The following PTPRO variants were observed in gnomAD, a reference collection of about 807,000 sequenced individuals.
The protein encoded by PTPRO is receptor-type tyrosine-protein phosphatase O.
A neutral mutation model predicts 145.2 loss-of-function variants in PTPRO; 62 were observed. That is an observed-to-expected ratio of 0.43 (90% CI 0.35 to 0.53). PTPRO has a LOEUF of 0.53. PTPRO is among the 20% of genes least tolerant of loss of function. The pLI is 0.01. For missense variants in PTPRO, 1,345 were observed against 1,482.7 expected (o/e 0.91, Z 1.53); for synonymous variants, 565 against 514.7 (o/e 1.10, Z -1.32).
At chr12:15,386,353 T>C (rs1939027764) in intron 1 of PTPRO, among the ~76,000 whole-genome samples, 1 of 152,090 alleles carries the variant, frequency 6.6e-6, no homozygotes, top group South Asian at 2.1e-4. Flanking sequence ...GAACAAAAAA[T>C]AACTTCTACT....
intron 3 of PTPRO, 111 bp downstream of exon 3, chr12:15,497,514 C>T (rs1942132279): frequency 8.6e-7 from 1 of 1,164,446 alleles, no homozygotes. Context: ...ACTATTTGAC[C>T]TATAAATGAG....
intron 1 of PTPRO, among the ~76,000 whole-genome samples, chr12:15,340,188 G>A (rs1040589285): frequency 5.9e-5 from 9 of 152,140 alleles, no homozygotes; most frequent in African/African-American, 2.2e-4. Context: ...GGCAAACTGA[G>A]TTTCAGGGAG....
At chr12:15,460,457 T>G (rs1028543937) in intron 1 of PTPRO, among the ~76,000 whole-genome samples, 2 of 152,206 alleles carry the variant, frequency 1.3e-5, no homozygotes, top group Non-Finnish European at 2.9e-5. Context: ...AGCCCTCAAT[T>G]TCTTATTTTT....
At chr12:15,436,659 C>A (rs1474277043) in intron 1 of PTPRO, among the ~76,000 whole-genome samples, 1 of 152,196 alleles carries the variant, frequency 6.6e-6, no homozygotes, top group Non-Finnish European at 1.5e-5. Context: ...TTTTCTCAGA[C>A]CCTGGATGAG....
intron 17 of PTPRO, 99 bp downstream of exon 17, chr12:15,560,375 T>C: frequency 1.2e-6 from 1 of 867,326 alleles, no homozygotes; most frequent in Admixed American, 1.9e-5. Context: ...TTTTGTATGT[T>C]CAGTAACATC....
chr12:15,494,092 A>G (rs753481884), intron 2 of PTPRO, among the ~76,000 whole-genome samples: 2 of 152,186 alleles, frequency 1.3e-5, no homozygotes, highest in Non-Finnish European at 2.9e-5. Flanking sequence ...CATGCATGAG[A>G]AGATAAATAC....
chr12:15,578,969 C>G (rs1944248710), intron 20 of PTPRO, 26 bp downstream of exon 20: 2 of 1,513,614 alleles, frequency 1.3e-6, no homozygotes, highest in Non-Finnish European at 1.8e-6. Flanking sequence ...GTGCCAATAA[C>G]ACTCATGTCT....
chr12:15,582,102 C>T (rs540397890), intron 23 of PTPRO, among the ~76,000 whole-genome samples: 1 of 152,348 alleles, frequency 6.6e-6, no homozygotes, highest in African/African-American at 2.4e-5. Flanking sequence ...TTATCTGCAG[C>T]ATGAACGTGT....
At chr12:15,424,144 A>T (rs1380103468) in intron 1 of PTPRO, among the ~76,000 whole-genome samples, 1 of 152,240 alleles carries the variant, frequency 6.6e-6, no homozygotes, top group African/African-American at 2.4e-5. Context: ...TATGAAGTGT[A>T]GCATAAGTAT....
At chr12:15,492,940 T>G (rs906969995) in intron 2 of PTPRO, among the ~76,000 whole-genome samples, 2 of 152,154 alleles carry the variant, frequency 1.3e-5, no homozygotes, top group African/African-American at 2.4e-5. Context: ...AAAAATGACA[T>G]GAATTCACAG....
chr12:15,550,521 C>T (rs1943428273), intron 14 of PTPRO, among the ~76,000 whole-genome samples: 1 of 152,142 alleles, frequency 6.6e-6, no homozygotes, highest in South Asian at 2.1e-4. Context: ...GACAATGTAG[C>T]ATAACAGGTG....
At chr12:15,545,808 T>C (rs1943273245) in intron 12 of PTPRO, among the ~76,000 whole-genome samples, 1 of 151,988 alleles carries the variant, frequency 6.6e-6, no homozygotes, top group Non-Finnish European at 1.5e-5. Context: ...CCAAAGTGGG[T>C]GGATTGCTGG....
chr12:15,513,129 AAGG>A (rs1565675440), intron 7 of PTPRO, among the ~76,000 whole-genome samples: 2 of 43,862 alleles, frequency 4.6e-5, no homozygotes, highest in South Asian at 8.3e-4. Context: ...GGAAGGAAGG[AAGG>A]AAGGAAGGAA....
chr12:15,405,158 C>T (rs1402678167), intron 1 of PTPRO, among the ~76,000 whole-genome samples: 4 of 152,106 alleles, frequency 2.6e-5, no homozygotes, highest in African/African-American at 7.2e-5. Context: ...AACATTTAGT[C>T]CATAGCAGAT....
Position 15,322,687 on chromosome 12 carries a change from G to A in PTPRO, c.-40G>A, listed in dbSNP as rs764240215. The A allele has an allele frequency of 1.5e-5, 24 of 1,567,488 alleles. No homozygotes were observed. Among genetic ancestry groups the A allele is most frequent in the Non-Finnish European group, 2.1e-5 (24 of 1,147,710 alleles). On this transcript the variant is annotated 5_prime_UTR_variant, in exon 1 of 27. Transcript: ENST00000281171. The surrounding 1 kb of genome is among the most constrained non-coding windows in gnomAD (Gnocchi z 6.3). Reference sequence around the variant, plus strand: ...TTGTGAGCCGCCGCCGGGGGAGTCCGCTAGCGCAGCCGTGCCCCCGAGTCC... The same window carrying A: ...TTGTGAGCCGCCGCCGGGGGAGTCCACTAGCGCAGCCGTGCCCCCGAGTCC...
rs991989267 is a variant in PTPRO at position 15,421,996 on chromosome 12, C to G, written c.76-61978C>G. On this transcript the variant is annotated intron_variant, in intron 1 of 26. Transcript: ENST00000281171. ...TATTTATTATCTAGTTATAAGAGAACAATGAAATAAAACAAATATGAAGCT... is the reference window on the plus strand; with the variant it reads ...TATTTATTATCTAGTTATAAGAGAAGAATGAAATAAAACAAATATGAAGCT... Among the ~76,000 whole-genome samples, 4 of 149,382 alleles carry G rather than the reference C, an allele frequency of 2.7e-5. No individual in the cohort carries two copies. In the South Asian group the frequency reaches 8.5e-4, roughly 32 times the overall value.
intron 10 of PTPRO, among the ~76,000 whole-genome samples, chr12:15,521,021 G>C (rs1942707441): frequency 1.3e-5 from 2 of 152,160 alleles, no homozygotes; most frequent in South Asian, 4.1e-4. Flanking sequence ...TCAGTAGTCA[G>C]AGATAGCAAT....
chr12:15,566,924 G>A (rs749409041), intron 18 of PTPRO, among the ~76,000 whole-genome samples: 1 of 152,180 alleles, frequency 6.6e-6, no homozygotes, highest in Non-Finnish European at 1.5e-5. Context: ...TCACCTGGGA[G>A]GGATGATTTC....
chr12:15,592,513 C>T (rs2135677445), intron 25 of PTPRO, among the ~76,000 whole-genome samples: 1 of 152,308 alleles, frequency 6.6e-6, no homozygotes, highest in Non-Finnish European at 1.5e-5. Flanking sequence ...GCCATGTCTC[C>T]AGGTGCAACA....
Sources: gnomAD v4.1 joint callset for allele counts (sites outside exome capture counted in the v4.1 genomes callset) on GRCh38, gnomAD v4.1.1 for gene constraint, Gnocchi (gnomAD v3.1) non-coding constraint, MANE v1.5 for transcripts, NCBI Gene and HGNC (gene_info 2026-07-23, HGNC 2026-07-21) for gene names.